The following GALNTL6 variants were observed in gnomAD, a reference collection of about 807,000 sequenced individuals.
The protein encoded by GALNTL6 is polypeptide N-acetylgalactosaminyltransferase-like 6.
In GALNTL6, 46 loss-of-function variants were observed where a neutral mutation model predicts 73.7. The ratio of observed to expected loss-of-function variants is 0.62; its 90% CI spans 0.49 to 0.80. GALNTL6 has a LOEUF of 0.80. Among genes scored for constraint, GALNTL6 ranks in the 30% least tolerant of loss-of-function variants. The pLI, the probability that GALNTL6 is intolerant of heterozygous loss-of-function variation, is 0.00. For missense variants in GALNTL6, 604 were observed against 755.0 expected (o/e 0.80, Z 2.34); for synonymous variants, 259 against 263.7 (o/e 0.98, Z 0.17).
chr4:172,653,015 C>T (rs1579292109), intron 5 of GALNTL6, among the ~76,000 whole-genome samples: 1 of 152,132 alleles, frequency 6.6e-6, no homozygotes, highest in East Asian at 2.0e-4. Flanking sequence ...TGCCAGCTTT[C>T]ATCTGACTTT....
intron 4 of GALNTL6, among the ~76,000 whole-genome samples, chr4:172,339,935 G>A (rs531385628): frequency 6.6e-6 from 1 of 152,196 alleles, no homozygotes; most frequent in Admixed American, 6.5e-5. Flanking sequence ...TTTATGCACT[G>A]TTTTGCTGTT....
At position 172,067,505 on chromosome 4, in the gene GALNTL6, A is replaced by C. The variant is rs369669164; in HGVS notation, c.139-162151A>C. ...ATATAGCCATCTACTTGGCCTCTGC[A>C]CTTGGACATCTAATTGGGAATTCAA... On this transcript the variant is annotated intron_variant, in intron 2 of 12. Transcript: ENST00000506823. 8.8e-5 allele frequency among the ~76,000 whole-genome samples: 10 copies of C among 113,886 alleles called. 1 individual carries two copies. In the East Asian group the frequency reaches 2.1e-3, roughly 24 times the overall value. 74.7% of individuals were successfully genotyped at this position (113,886 alleles called of 152,430 possible).
chr4:172,708,501 C>T (rs1303099333), intron 5 of GALNTL6, among the ~76,000 whole-genome samples: 1 of 152,124 alleles, frequency 6.6e-6, no homozygotes, highest in Admixed American at 6.5e-5. Flanking sequence ...TCAGTTCTGC[C>T]ACTTACTAGC....
chr4:172,846,630 T>C (rs1743523783), intron 7 of GALNTL6, among the ~76,000 whole-genome samples: 1 of 152,188 alleles, frequency 6.6e-6, no homozygotes, highest in Non-Finnish European at 1.5e-5. Context: ...AGTTATCATG[T>C]GGAATTGGTA....
intron 7 of GALNTL6, among the ~76,000 whole-genome samples, chr4:172,816,968 A>G (rs1741637672): frequency 6.6e-6 from 1 of 151,944 alleles, no homozygotes; most frequent in Non-Finnish European, 1.5e-5. Context: ...TTAGCCGGGC[A>G]TGGTGGTGGG....
chr4:172,354,973 A>G (rs1742100298), intron 5 of GALNTL6, among the ~76,000 whole-genome samples: 1 of 152,108 alleles, frequency 6.6e-6, no homozygotes, highest in Non-Finnish European at 1.5e-5. Context: ...ACACACATTC[A>G]CAAGCCTCAT....
chr4:172,110,934 G>T (rs1172836190), intron 2 of GALNTL6, among the ~76,000 whole-genome samples: 1 of 151,866 alleles, frequency 6.6e-6, no homozygotes, highest in African/African-American at 2.4e-5. Context: ...TTGTTTTCTT[G>T]CCTTGACATT....
intron 5 of GALNTL6, among the ~76,000 whole-genome samples, chr4:172,590,361 TTCTG>T (rs1254031159): frequency 6.6e-6 from 1 of 152,114 alleles, no homozygotes; most frequent in African/African-American, 2.4e-5. Flanking sequence ...CTTTTATTTG[TTCTG>T]TCTTATTACA....
intron 7 of GALNTL6, among the ~76,000 whole-genome samples, chr4:172,825,340 A>C (rs1262207162): frequency 6.6e-6 from 1 of 151,928 alleles, no homozygotes; most frequent in African/African-American, 2.4e-5. Flanking sequence ...CTGGTTGGCC[A>C]CTCCAGGTTG....
chr4:172,474,047 C>A (rs924874984), intron 5 of GALNTL6, among the ~76,000 whole-genome samples: 4 of 152,060 alleles, frequency 2.6e-5, no homozygotes, highest in Non-Finnish European at 5.9e-5. Context: ...CCAGTTTTTC[C>A]CCCATCCTTC....
At chr4:172,617,770 C>T (rs948529868) in intron 5 of GALNTL6, among the ~76,000 whole-genome samples, 16 of 152,056 alleles carry the variant, frequency 1.1e-4, no homozygotes, top group Non-Finnish European at 5.9e-5. Context: ...CGTGAGCCAC[C>T]GTGCCCAGCC....
chr4:172,193,384 A>G (rs1296067029), intron 2 of GALNTL6, among the ~76,000 whole-genome samples: 1 of 152,148 alleles, frequency 6.6e-6, no homozygotes, highest in African/African-American at 2.4e-5. Context: ...GGAGGAACCC[A>G]GGAGAATGGG....
chr4:172,585,311 C>T (rs1319621807), intron 5 of GALNTL6, among the ~76,000 whole-genome samples: 1 of 151,986 alleles, frequency 6.6e-6, no homozygotes, highest in African/African-American at 2.4e-5. Flanking sequence ...CATAGGTATA[C>T]ATGTGCCATG....
chr4:172,379,101 T>C (rs1743160512), intron 5 of GALNTL6, among the ~76,000 whole-genome samples: 1 of 152,228 alleles, frequency 6.6e-6, no homozygotes, highest in South Asian at 2.1e-4. Flanking sequence ...GGAGAATCTA[T>C]ACTTGACAGC....
intron 2 of GALNTL6, among the ~76,000 whole-genome samples, chr4:171,899,285 T>TA (rs1342365731): frequency 6.6e-6 from 1 of 152,162 alleles, no homozygotes; most frequent in South Asian, 2.1e-4. Context: ...TAGTAGCGTT[T>TA]AAAAAATATA....
intron 7 of GALNTL6, among the ~76,000 whole-genome samples, chr4:172,825,078 TTTTCTTTCTTTCTTTCTTTCTTTCTTTC>T (rs70944424): frequency 5.7e-5 from 6 of 105,626 alleles, no homozygotes; most frequent in Admixed American, 3.1e-4. Context: ...TTTGGTTATC[TTTTCTTTCTTTCTTTCTTTCTTTCTTTC>T]TTTCTTTCTT....
chr4:172,574,923 T>A (rs892446376), intron 5 of GALNTL6, among the ~76,000 whole-genome samples: 5 of 105,558 alleles, frequency 4.7e-5, no homozygotes, highest in African/African-American at 1.9e-4. Context: ...CATGCATGTG[T>A]ATACACACGC....
intron 4 of GALNTL6, among the ~76,000 whole-genome samples, chr4:172,346,832 C>T (rs1578979549): frequency 6.6e-6 from 1 of 152,040 alleles, no homozygotes; most frequent in East Asian, 1.9e-4. Context: ...TGAGCTCAGG[C>T]ACATAGAAAT....
chr4:172,058,217 C>G (rs1047037642), intron 2 of GALNTL6, among the ~76,000 whole-genome samples: 11 of 151,868 alleles, frequency 7.2e-5, no homozygotes, highest in Admixed American at 6.6e-5. Context: ...TGTCTCCACC[C>G]CAAGTAGCTG....
Sources: gnomAD v4.1 joint callset for allele counts (sites outside exome capture counted in the v4.1 genomes callset) on GRCh38, gnomAD v4.1.1 for gene constraint, MANE v1.5 for transcripts, NCBI Gene and HGNC (gene_info 2026-07-23, HGNC 2026-07-21) for gene names.